Variants in UTS2 observed in about 807,000 individuals in gnomAD.
The protein encoded by UTS2 is urotensin-2.
UTS2 carries 10 observed loss-of-function variants against 12.6 expected under a neutral mutation model. The ratio of observed to expected loss-of-function variants is 0.80; its 90% CI spans 0.49 to 1.35. The LOEUF is 1.35. Ranked by LOEUF, UTS2 falls within the 40% of genes most tolerant of loss-of-function variation. UTS2 has a pLI of 0.00. For missense variants in UTS2, 142 were observed against 143.2 expected (o/e 0.99, Z 0.04); for synonymous variants, 52 against 50.0 (o/e 1.04, Z -0.17).
chr1:7,904,309 TAAAAA>T, the UTS2 span, among the ~76,000 whole-genome samples: 1 of 130,298 alleles, frequency 7.7e-6, no homozygotes, highest in African/African-American at 2.9e-5. Flanking sequence ...CTACAAAAAA[TAAAAA>T]AAAAAAAAAA....
the UTS2 span, among the ~76,000 whole-genome samples, chr1:7,897,339 ATCCTATTCTTGTTTAG>A: frequency 1.3e-5 from 2 of 152,080 alleles, no homozygotes; most frequent in Non-Finnish European, 2.9e-5. Flanking sequence ...AAGTCCCTGT[ATCCTATTCTTGTTTAG>A]GAATGACTGG....
chr1:7,886,179 G>A, the UTS2 span, among the ~76,000 whole-genome samples: 131 of 152,090 alleles, frequency 8.6e-4, 2 homozygotes, highest in East Asian at 1.9e-4. Context: ...CTCCCCGGGA[G>A]GGGGGAGGGC....
chr1:7,862,475 A>C, the UTS2 span, among the ~76,000 whole-genome samples: 1 of 151,872 alleles, frequency 6.6e-6, no homozygotes, highest in African/African-American at 2.4e-5. Context: ...ATCTGCAATT[A>C]ATTTTGCACC....
At chr1:7,889,442 C>CA in the UTS2 span, among the ~76,000 whole-genome samples, 452 of 85,286 alleles carry the variant, frequency 5.3e-3, 4 homozygotes, top group East Asian at 0.047. Flanking sequence ...ATCTTATCAC[C>CA]AAAAAAAAAA....
chr1:7,877,090 C>G, the UTS2 span, among the ~76,000 whole-genome samples: 1 of 133,880 alleles, frequency 7.5e-6, no homozygotes, highest in Non-Finnish European at 1.5e-5. Flanking sequence ...GATTGCATCA[C>G]TGTACTCCAG....
At chr1:7,905,110 G>A in the UTS2 span, among the ~76,000 whole-genome samples, 1 of 150,858 alleles carries the variant, frequency 6.6e-6, no homozygotes, top group African/African-American at 2.4e-5. Flanking sequence ...TGCTGTGAGG[G>A]TATCTTTTTT....
the UTS2 span, among the ~76,000 whole-genome samples, chr1:7,892,974 C>A: frequency 6.6e-6 from 1 of 152,092 alleles, no homozygotes; most frequent in Non-Finnish European, 1.5e-5. Flanking sequence ...TGTTATTCTG[C>A]CTGCGTTGTT....
the UTS2 span, among the ~76,000 whole-genome samples, chr1:7,886,920 G>T: frequency 6.6e-6 from 1 of 151,636 alleles, no homozygotes; most frequent in African/African-American, 2.4e-5. Flanking sequence ...CATGGTGGCA[G>T]GTCCCTGCTA....
At chr1:7,909,859 T>C in the UTS2 span, among the ~76,000 whole-genome samples, 1 of 152,056 alleles carries the variant, frequency 6.6e-6, no homozygotes, top group African/African-American at 2.4e-5. Context: ...TGACCTCAAG[T>C]GATCTGCCCG....
At chr1:7,899,088 G>T in the UTS2 span, among the ~76,000 whole-genome samples, 4 of 152,108 alleles carry the variant, frequency 2.6e-5, no homozygotes, top group Non-Finnish European at 5.9e-5. Flanking sequence ...AAGAGAGAGA[G>T]GAGGGAGGTG....
At chr1:7,901,630 G>GTATATATA in the UTS2 span, among the ~76,000 whole-genome samples, 1 of 150,710 alleles carries the variant, frequency 6.6e-6, no homozygotes, top group African/African-American at 2.4e-5. Flanking sequence ...GTGTGTGTGT[G>GTATATATA]TATATATATA....
chr1:7,860,050 T>C, the UTS2 span, among the ~76,000 whole-genome samples: 2 of 152,150 alleles, frequency 1.3e-5, no homozygotes, highest in African/African-American at 4.8e-5. Context: ...CAAGGGTGTT[T>C]GTTGAACAGT....
At chr1:7,853,564 A>G (rs997003334), upstream of UTS2, 139 of 1,272,286 alleles carry the variant, frequency 1.1e-4, no homozygotes, top group Non-Finnish European at 1.7e-5. Context: ...GTTAAAATAC[A>G]TAGCAAACAT....
chr1:7,893,841 C>T, the UTS2 span, among the ~76,000 whole-genome samples: 2 of 152,218 alleles, frequency 1.3e-5, no homozygotes, highest in African/African-American at 4.8e-5. Context: ...GACCGTCCTT[C>T]TCTCCCTCAC....
the UTS2 span, among the ~76,000 whole-genome samples, chr1:7,886,606 G>A: frequency 6.6e-6 from 1 of 152,166 alleles, no homozygotes; most frequent in African/African-American, 2.4e-5. Flanking sequence ...AATGAATTAA[G>A]TCATCAAGAC....
the UTS2 span, among the ~76,000 whole-genome samples, chr1:7,893,935 C>T: frequency 5.9e-5 from 9 of 152,240 alleles, no homozygotes; most frequent in Non-Finnish European, 7.4e-5. Flanking sequence ...GTCTAAAAAC[C>T]GTAGAGTGAG....
the UTS2 span, among the ~76,000 whole-genome samples, chr1:7,912,809 A>T: frequency 3.3e-5 from 5 of 150,368 alleles, no homozygotes; most frequent in African/African-American, 4.9e-5. Context: ...AGGACTTCTC[A>T]CTCTGCCCTG....
chr1:7,911,767 G>T, the UTS2 span, among the ~76,000 whole-genome samples: 1 of 151,968 alleles, frequency 6.6e-6, no homozygotes, highest in Non-Finnish European at 1.5e-5. Flanking sequence ...CGGGAGTGGT[G>T]GCAGGTGCCT....
At chr1:7,859,233 A>T in the UTS2 span, among the ~76,000 whole-genome samples, 2 of 152,154 alleles carry the variant, frequency 1.3e-5, no homozygotes, top group Non-Finnish European at 2.9e-5. Context: ...TCTCAGATAG[A>T]CTTTTAATTT....
Sources: allele counts gnomAD v4.1 joint callset (sites outside exome capture counted in the v4.1 genomes callset), GRCh38; gene constraint gnomAD v4.1.1; transcripts MANE v1.5; gene names NCBI Gene and HGNC (gene_info 2026-07-23, HGNC 2026-07-21).